CNTN5: variants seen among roughly 807,000 people sequenced by gnomAD.
CNTN5 encodes contactin-5.
Under a neutral mutation model 129.1 loss-of-function variants are expected in CNTN5, and 77 were observed. That is an observed-to-expected ratio of 0.60 (90% CI 0.50 to 0.72). The LOEUF (loss-of-function observed/expected upper bound fraction) is 0.72, where lower values mean the gene tolerates loss of function less well. Among genes scored for constraint, CNTN5 ranks in the 30% least tolerant of loss-of-function variants. CNTN5 has a pLI of 0.00. For missense variants in CNTN5, 1,478 were observed against 1,328.8 expected, an observed-to-expected ratio of 1.11 and a Z score of -1.75; for synonymous variants, 509 against 465.6, an observed-to-expected ratio of 1.09 and a Z score of -1.20.
At chr11:100,105,412 G>A (rs919265226) in intron 13 of CNTN5, among the ~76,000 whole-genome samples, 5 of 152,084 alleles carry the variant, frequency 3.3e-5, no homozygotes, top group Admixed American at 2.0e-4. Context: ...TGAGACTTCC[G>A]GTACATCAAA....
chr11:99,656,451 G>C lies in CNTN5; in HGVS notation c.55+100182G>C, dbSNP rs568075826. Among the ~76,000 whole-genome samples, 3 of 152,102 alleles carry C rather than the reference G, an allele frequency of 2.0e-5. No homozygotes were observed. In the East Asian group the frequency reaches 5.8e-4, roughly 29 times the overall value. On this transcript the variant is annotated intron_variant, in intron 3 of 24. Coordinates refer to ENST00000524871, the MANE Select transcript of CNTN5 (RefSeq NM_014361.4). ...ATAGAAATGATGATGCAAAGCGCCA[G>C]GCGTAAGAGGAAAGAAAGCTAAATG... is the stretch of plus-strand genomic sequence containing the variant.
chr11:100,067,191 G>T (rs1943731292), intron 10 of CNTN5, among the ~76,000 whole-genome samples: 1 of 151,778 alleles, frequency 6.6e-6, no homozygotes, highest in Non-Finnish European at 1.5e-5. Flanking sequence ...AATTCCCATA[G>T]CCTTAATGTT....
intron 2 of CNTN5, among the ~76,000 whole-genome samples, chr11:99,375,302 CAA>C (rs397848951): frequency 6.2e-4 from 33 of 53,558 alleles, no homozygotes; most frequent in Admixed American, 1.6e-3. Flanking sequence ...GAGTCTGTCT[CAA>C]AAAAAAAAAA....
chr11:100,072,156 G>T (rs1432869534), intron 12 of CNTN5, among the ~76,000 whole-genome samples: 3 of 152,078 alleles, frequency 2.0e-5, no homozygotes, highest in Admixed American at 6.6e-5. Context: ...ATGCCTTGAG[G>T]GTAGGAGATC....
chr11:99,263,067 G>C (rs1219279501), intron 1 of CNTN5, among the ~76,000 whole-genome samples: 1 of 152,070 alleles, frequency 6.6e-6, no homozygotes, highest in East Asian at 1.9e-4. Flanking sequence ...AATTAAGTCA[G>C]CAAAAAGTCC....
At chr11:99,180,882 T>C (rs982135028) in intron 1 of CNTN5, among the ~76,000 whole-genome samples, 34 of 152,214 alleles carry the variant, frequency 2.2e-4, no homozygotes, top group African/African-American at 8.2e-4. Flanking sequence ...TAAGATTCAA[T>C]ATGCAGTAAA....
intron 2 of CNTN5, among the ~76,000 whole-genome samples, chr11:99,385,019 A>G (rs946146009): frequency 2.6e-5 from 4 of 152,184 alleles, no homozygotes; most frequent in Non-Finnish European, 5.9e-5. Context: ...AGTGTTTACT[A>G]TTGGGCAGAT....
chr11:99,194,231 T>C (rs946541289), intron 1 of CNTN5, among the ~76,000 whole-genome samples: 4 of 152,152 alleles, frequency 2.6e-5, no homozygotes, highest in Middle Eastern at 3.4e-3. Context: ...AACAATTAAA[T>C]GAAGGTTTAT....
At chr11:99,333,901 A>C (rs2136033963) in intron 2 of CNTN5, among the ~76,000 whole-genome samples, 1 of 152,048 alleles carries the variant, frequency 6.6e-6, no homozygotes, top group South Asian at 2.1e-4. Context: ...GAAGATAAAA[A>C]ATGCTATACT....
intron 1 of CNTN5, among the ~76,000 whole-genome samples, chr11:99,096,084 T>G (rs2135334244): frequency 6.6e-6 from 1 of 152,056 alleles, no homozygotes; most frequent in South Asian, 2.1e-4. Context: ...TTGCAATAAC[T>G]TCAGTGGAAA....
At chr11:99,966,274 G>C (rs561455524) in intron 8 of CNTN5, among the ~76,000 whole-genome samples, 2 of 152,162 alleles carry the variant, frequency 1.3e-5, no homozygotes, top group Non-Finnish European at 2.9e-5. Context: ...CTTATAAAAT[G>C]TATTATCTTA....
At chr11:99,835,514 C>T (rs138327962) in intron 4 of CNTN5, among the ~76,000 whole-genome samples, 1 of 152,266 alleles carries the variant, frequency 6.6e-6, no homozygotes, top group East Asian at 1.9e-4. Flanking sequence ...TAATGTCAGA[C>T]TCTTAATTAC....
intron 1 of CNTN5, among the ~76,000 whole-genome samples, chr11:99,122,845 C>T (rs1009341932): frequency 6.6e-6 from 1 of 152,098 alleles, no homozygotes; most frequent in African/African-American, 2.4e-5. Flanking sequence ...TGGTCTCCAG[C>T]TTCATCCATG....
chr11:99,789,689 C>A (rs554802573), intron 3 of CNTN5, among the ~76,000 whole-genome samples: 136 of 151,864 alleles, frequency 9.0e-4, no homozygotes, highest in Non-Finnish European at 1.7e-3. Flanking sequence ...TTAAGTTTTT[C>A]TCTCTTAAAT....
intron 4 of CNTN5, among the ~76,000 whole-genome samples, chr11:99,821,756 A>G (rs992925327): frequency 2.0e-5 from 3 of 152,158 alleles, no homozygotes; most frequent in Non-Finnish European, 4.4e-5. Flanking sequence ...AGATTGAGGT[A>G]GGGCAAGAGA....
chr11:99,965,380 A>G (rs1951066322), intron 8 of CNTN5, among the ~76,000 whole-genome samples: 1 of 152,100 alleles, frequency 6.6e-6, no homozygotes, highest in South Asian at 2.1e-4. Context: ...CGTTGGTTTC[A>G]AAGAACGTCT....
chr11:99,365,118 G>A (rs1939363311), intron 2 of CNTN5, among the ~76,000 whole-genome samples: 1 of 152,130 alleles, frequency 6.6e-6, no homozygotes, highest in Non-Finnish European at 1.5e-5. Flanking sequence ...CTGTCAAATT[G>A]ATCTGGCTTC....
chr11:99,231,094 A>G (rs554395626), intron 1 of CNTN5, among the ~76,000 whole-genome samples: 1 of 152,174 alleles, frequency 6.6e-6, no homozygotes, highest in East Asian at 1.9e-4. Context: ...TTCTGTTTTG[A>G]ATAGTACTGC....
chr11:100,348,112 G>A (rs1488963435), intron 23 of CNTN5, among the ~76,000 whole-genome samples: 1 of 151,358 alleles, frequency 6.6e-6, no homozygotes. Flanking sequence ...TTTTCTTTAT[G>A]CATAAACATA....
Sources: gnomAD v4.1 joint callset for allele counts (sites outside exome capture counted in the v4.1 genomes callset) on GRCh38, gnomAD v4.1.1 for gene constraint, MANE v1.5 for transcripts, NCBI Gene and HGNC (gene_info 2026-07-23, HGNC 2026-07-21) for gene names.